NKD1: variants seen among roughly 807,000 people sequenced by gnomAD.
NKD1 encodes the protein protein naked cuticle homolog 1.
Under a neutral mutation model 56.0 loss-of-function variants are expected in NKD1, and 21 were observed. That is an observed-to-expected ratio of 0.38 (90% CI 0.27 to 0.54). The LOEUF (loss-of-function observed/expected upper bound fraction) is 0.54. NKD1 is among the 20% of genes least tolerant of loss of function. The pLI is 0.82. For synonymous variants in NKD1, 263 were observed against 265.7 expected, an observed-to-expected ratio of 0.99 and a Z score of 0.10; for missense variants, 578 against 642.7, an observed-to-expected ratio of 0.90 and a Z score of 1.09.
chr16:50,627,956 T>C (rs1304395214), intron 6 of NKD1, among the ~76,000 whole-genome samples: 3 of 151,686 alleles, frequency 2.0e-5, no homozygotes, highest in African/African-American at 7.3e-5. Context: ...CTGCCCAAGA[T>C]AGAGAGAGTG....
At chr16:50,591,218 A>C (rs895639844) in intron 3 of NKD1, among the ~76,000 whole-genome samples, 2 of 152,126 alleles carry the variant, frequency 1.3e-5, no homozygotes, top group African/African-American at 4.8e-5. Context: ...TGTTCCATGC[A>C]GGTAGATATT....
intron 6 of NKD1, among the ~76,000 whole-genome samples, chr16:50,626,601 TG>T (rs1962221240): frequency 6.6e-6 from 1 of 152,194 alleles, no homozygotes; most frequent in African/African-American, 2.4e-5. Context: ...GACACAGATG[TG>T]GCTGGGGATC....
At chr16:50,583,086 T>C (rs1337972906) in intron 3 of NKD1, among the ~76,000 whole-genome samples, 2 of 152,114 alleles carry the variant, frequency 1.3e-5, no homozygotes, top group African/African-American at 4.8e-5. Context: ...GGGCCGCGTG[T>C]AGGAGGTGAG....
At chr16:50,574,514 G>A (rs1464599907) in intron 3 of NKD1, 1 of 985,292 alleles carries the variant, frequency 1.0e-6, no homozygotes, top group Non-Finnish European at 1.2e-6. Context: ...GCTGCTGGTG[G>A]CCGAGGCCCA....
chr16:50,588,987 C>T (rs906547356), intron 3 of NKD1, among the ~76,000 whole-genome samples: 4 of 152,216 alleles, frequency 2.6e-5, no homozygotes, highest in East Asian at 3.9e-4. Context: ...GTTGTTGTGA[C>T]GATTAAATGA....
At chr16:50,604,196 C>T (rs753328307) in intron 3 of NKD1, among the ~76,000 whole-genome samples, 4 of 152,214 alleles carry the variant, frequency 2.6e-5, no homozygotes, top group Non-Finnish European at 5.9e-5. Flanking sequence ...TGGACTCAGG[C>T]TCTGGCACTT....
chr16:50,554,286 G>A (rs745509625), intron 3 of NKD1, among the ~76,000 whole-genome samples: 1 of 152,154 alleles, frequency 6.6e-6, no homozygotes, highest in Non-Finnish European at 1.5e-5. Context: ...TCGCCCAGTG[G>A]GGATGTTGGA....
At chr16:50,605,202 A>G (rs902174556) in intron 3 of NKD1, among the ~76,000 whole-genome samples, 4 of 152,194 alleles carry the variant, frequency 2.6e-5, no homozygotes, top group Admixed American at 1.3e-4. Flanking sequence ...GCCATTCTCC[A>G]GAGTCTCCCG....
chr16:50,595,336 A>G (rs1470605689), intron 3 of NKD1, among the ~76,000 whole-genome samples: 1 of 151,400 alleles, frequency 6.6e-6, no homozygotes, highest in African/African-American at 2.4e-5. Flanking sequence ...AGGTTCATGA[A>G]CCCCCTGAAA....
At chr16:50,629,582 T>C (rs1265417680) in intron 6 of NKD1, among the ~76,000 whole-genome samples, 1 of 152,156 alleles carries the variant, frequency 6.6e-6, no homozygotes, top group African/African-American at 2.4e-5. Context: ...GCTTGGCCCC[T>C]GCAGGGAAGC....
intron 3 of NKD1, among the ~76,000 whole-genome samples, chr16:50,585,104 A>C (rs888483995): frequency 6.6e-6 from 1 of 152,154 alleles, no homozygotes; most frequent in African/African-American, 2.4e-5. Flanking sequence ...TTTTCTGTAA[A>C]ACTTGTTCTT....
Position 50,647,563 on chromosome 16 carries a change from A to C in NKD1, c.*13782A>C, listed in dbSNP as rs1962704465. The C allele has an allele frequency of 1.3e-5, 2 of 152,162 alleles. No homozygotes were observed. Among genetic ancestry groups the C allele is most frequent in the Admixed American group, 1.3e-4 (2 of 15,270 alleles). 9.4% of individuals were successfully genotyped at this position (152,162 alleles called of 1,614,324 possible). A position where few individuals can be genotyped will look rare whatever the true frequency, so the allele number is the denominator to read the frequency against. ...GGAAGTGAGGCAGAAAAGGAAGGGA[A>C]GTTCCACTCCAGGAGCCCACGTGGA... On this transcript the variant is annotated 3_prime_UTR_variant, in exon 10 of 10. Transcript: ENST00000268459.
intron 3 of NKD1, among the ~76,000 whole-genome samples, chr16:50,562,986 A>ACCACCACCCCCCC (rs1376803515): frequency 3.3e-5 from 2 of 60,436 alleles, no homozygotes; most frequent in African/African-American, 1.9e-4. Flanking sequence ...TCCCACCACC[A>ACCACCACCCCCCC]CCCCCCCCCC....
rs532016444 is a variant in NKD1, at chr16:50,580,093, T to G, written c.193-28201T>G. On this transcript the variant is annotated intron_variant, in intron 3 of 9. Transcript: ENST00000268459. ...TCGCTACACATGCACTCTAACCCAC[T>G]AAGCATGCACCCCAACCCGCTACAC... Among the ~76,000 whole-genome samples, 6 of 152,344 alleles carry G rather than the reference T, an allele frequency of 3.9e-5. No homozygotes were observed. In the East Asian group the frequency reaches 1.2e-3, roughly 29 times the overall value.
chr16:50,602,786 G>C (rs1961625357), intron 3 of NKD1, among the ~76,000 whole-genome samples: 2 of 152,214 alleles, frequency 1.3e-5, no homozygotes, highest in Non-Finnish European at 2.9e-5. Flanking sequence ...CTGGCCCTCT[G>C]CCCGGGAGAT....
In NKD1 at chr16:50,559,670, T is replaced by C. The variant is rs1389206805; in HGVS notation, c.192+10115T>C. Among the ~76,000 whole-genome samples the C allele has an allele frequency of 3.3e-5, 5 of 151,852 alleles. No individual in the cohort carries two copies. In the East Asian group the frequency reaches 7.7e-4, roughly 24 times the overall value. ...TCCTTGCCGCAAGTCTTCCATGAAGTGTTACTGGTGTCTGTGGACTCCAGC... is the reference window on the plus strand; with the variant it reads ...TCCTTGCCGCAAGTCTTCCATGAAGCGTTACTGGTGTCTGTGGACTCCAGC... On this transcript the variant is annotated intron_variant, in intron 3 of 9. Transcript: ENST00000268459.
rs1417552595 is a variant in NKD1, at chr16:50,637,471, G to A, written c.*3690G>A. ...TAATCTCAGCTACTCGGGAGGCCAA[G>A]GCACGAGAATCGCTTGAACCTGGGA... On this transcript the variant is annotated 3_prime_UTR_variant, in exon 10 of 10. Transcript: ENST00000268459. The A allele has an allele frequency of 6.6e-6, 1 of 152,220 alleles. No homozygotes were observed. Among genetic ancestry groups the A allele is most frequent in the Non-Finnish European group, 1.5e-5 (1 of 68,064 alleles). The allele number at this position is 152,220 out of a possible 1,614,324, so 9.4% of individuals were successfully genotyped here. A position where few individuals can be genotyped will look rare whatever the true frequency, so the allele number is the denominator to read the frequency against.
chr16:50,565,288 T>C (rs908665151), intron 3 of NKD1, among the ~76,000 whole-genome samples: 1 of 150,934 alleles, frequency 6.6e-6, no homozygotes, highest in Non-Finnish European at 1.5e-5. Flanking sequence ...AGGAGAATGG[T>C]GTGAACACGG....
intron 3 of NKD1, among the ~76,000 whole-genome samples, chr16:50,590,559 C>A (rs1375817521): frequency 6.6e-6 from 1 of 152,212 alleles, no homozygotes; most frequent in Admixed American, 6.5e-5. Flanking sequence ...TTTCCAAGCG[C>A]TTTACAAATG....
Sources: allele counts gnomAD v4.1 joint callset (sites outside exome capture counted in the v4.1 genomes callset), GRCh38; gene constraint gnomAD v4.1.1; transcripts MANE v1.5; gene names NCBI Gene and HGNC (gene_info 2026-07-23, HGNC 2026-07-21).